CSMD3: variants seen among roughly 807,000 people sequenced by gnomAD.
CSMD3 encodes CUB and Sushi multiple domains 3.
CSMD3 carries 177 observed loss-of-function variants against 435.2 expected under a neutral mutation model. That is an observed-to-expected ratio of 0.41 (90% CI 0.36 to 0.46). The LOEUF (loss-of-function observed/expected upper bound fraction) is 0.46. Ranked by LOEUF, CSMD3 falls within the 20% of genes least tolerant of loss-of-function variation. The pLI is 0.34. For synonymous variants in CSMD3, 1,656 were observed against 1,520.5 expected, an observed-to-expected ratio of 1.09 and a Z score of -2.07; for missense variants, 4,265 against 4,504.6, an observed-to-expected ratio of 0.95 and a Z score of 1.52.
At chr8:112,601,677 A>C (rs771272253) in intron 22 of CSMD3, among the ~76,000 whole-genome samples, 4 of 152,288 alleles carry the variant, frequency 2.6e-5, no homozygotes, top group Middle Eastern at 3.4e-3. Flanking sequence ...TGAGAAAAGA[A>C]AAGACAGATT....
At chr8:113,167,621 G>C (rs866169073) in intron 4 of CSMD3, among the ~76,000 whole-genome samples, 2 of 152,294 alleles carry the variant, frequency 1.3e-5, no homozygotes, top group Middle Eastern at 6.8e-3. Flanking sequence ...ACTGTTGATT[G>C]AATAGCCTGT....
At chr8:113,143,877 T>C (rs1284604081) in intron 4 of CSMD3, among the ~76,000 whole-genome samples, 2 of 151,300 alleles carry the variant, frequency 1.3e-5, no homozygotes, top group Admixed American at 1.3e-4. Context: ...ATCTTGATTA[T>C]GTAAATATTA....
At position 112,635,648 on chromosome 8, in the gene CSMD3, T is replaced by G. The variant is rs2074636284; in HGVS notation, c.3715+1169A>C. 2.0e-5 allele frequency among the ~76,000 whole-genome samples: 3 copies of G among 152,090 alleles called. No homozygotes were observed. In the South Asian group the frequency reaches 6.2e-4, roughly 32 times the overall value. On this transcript the variant is annotated intron_variant, in intron 22 of 70. Transcript: ENST00000297405. ...AAATCTGTGATTTTTAAAGAGAAATTTCATCTGCTAGGTATCTTGAAAACA... is the reference window on the plus strand; with the variant it reads ...AAATCTGTGATTTTTAAAGAGAAATGTCATCTGCTAGGTATCTTGAAAACA...
At chr8:113,086,347 A>C (rs923720814) in intron 5 of CSMD3, among the ~76,000 whole-genome samples, 4 of 152,154 alleles carry the variant, frequency 2.6e-5, no homozygotes, top group Non-Finnish European at 5.9e-5. Context: ...ATAGAGAATA[A>C]ATTCTAACAC....
intron 4 of CSMD3, among the ~76,000 whole-genome samples, chr8:113,124,661 T>C (rs186874230): frequency 6.6e-6 from 1 of 152,050 alleles, no homozygotes; most frequent in East Asian, 1.9e-4. Context: ...AATAAGTGAA[T>C]TGCAAATATA....
At chr8:113,183,733 T>C (rs2092457523) in intron 3 of CSMD3, among the ~76,000 whole-genome samples, 1 of 151,976 alleles carries the variant, frequency 6.6e-6, no homozygotes, top group South Asian at 2.1e-4. Context: ...TGTTTACATT[T>C]TGGGGGTACA....
chr8:112,304,810 T>C lies in CSMD3; in HGVS notation c.8177A>G (p.Asp2726Gly), dbSNP rs1247059907. The change falls in exon 52 of 71, where the codon GAC (aspartate) becomes GGC (glycine). Residue 2726 changes from aspartate to glycine, a missense_variant. This residue lies in a region of CSMD3 where 3,255 missense variants were observed against 3,380.2 expected (regional missense o/e 0.96). Transcript: ENST00000297405. ...EYKTKVVFSC[D>G]PGYHGLGPAS... ...AGGACCTAGTCCATGATAACCAGGG[T>C]CACAGCTGAAAACTACTTTGGTTTT... The C allele has an allele frequency of 1.9e-6, 3 of 1,613,722 alleles. No homozygotes were observed. The African/African-American group carries it at 4.0e-5, about 22-fold the overall frequency.
At chr8:113,086,479 C>A (rs1192297622) in intron 5 of CSMD3, among the ~76,000 whole-genome samples, 1 of 152,162 alleles carries the variant, frequency 6.6e-6, no homozygotes, top group East Asian at 1.9e-4. Flanking sequence ...AACAATTCTT[C>A]ATAAACAATA....
At chr8:112,623,840 T>TA (rs1834271637) in intron 22 of CSMD3, among the ~76,000 whole-genome samples, 2 of 152,088 alleles carry the variant, frequency 1.3e-5, no homozygotes, top group Admixed American at 6.6e-5. Context: ...CACCATCACC[T>TA]AGCACAGCAT....
At chr8:112,835,007 TTGA>T (rs1422785249) in intron 11 of CSMD3, among the ~76,000 whole-genome samples, 2 of 151,914 alleles carry the variant, frequency 1.3e-5, no homozygotes, top group Non-Finnish European at 2.9e-5. Flanking sequence ...AGTCACTCTC[TTGA>T]TTTCCATTGT....
intron 13 of CSMD3, among the ~76,000 whole-genome samples, chr8:112,777,043 C>A (rs1372730369): frequency 1.3e-5 from 2 of 151,624 alleles, no homozygotes; most frequent in African/African-American, 4.8e-5. Flanking sequence ...TCTTCATTTT[C>A]TTCTTTTAAG....
intron 63 of CSMD3, among the ~76,000 whole-genome samples, chr8:112,253,432 T>A (rs2130245120): frequency 6.6e-6 from 1 of 152,118 alleles, no homozygotes; most frequent in Middle Eastern, 3.4e-3. Flanking sequence ...AAATGGAAAC[T>A]ATTTTTAATA....
chr8:112,899,612 T>C (rs1202582329), intron 10 of CSMD3, among the ~76,000 whole-genome samples: 2 of 107,052 alleles, frequency 1.9e-5, no homozygotes, highest in East Asian at 2.5e-4. Context: ...TATATATATA[T>C]ATATATATAT....
chr8:113,376,714 G>A (rs967549852), intron 1 of CSMD3: 9 of 1,613,636 alleles, frequency 5.6e-6, no homozygotes, highest in Non-Finnish European at 7.6e-6. Flanking sequence ...TCGGCGCAAG[G>A]AGCCTAAGAG....
intron 40 of CSMD3, among the ~76,000 whole-genome samples, chr8:112,346,599 C>G (rs192128546): frequency 2.0e-5 from 3 of 149,850 alleles, no homozygotes; most frequent in Admixed American, 1.3e-4. Context: ...AGAGTAAAAT[C>G]AAGCCAACCA....
chr8:113,249,333 ACAGCTTAGCT>A (rs1277088672), intron 3 of CSMD3, among the ~76,000 whole-genome samples: 2 of 152,090 alleles, frequency 1.3e-5, no homozygotes, highest in Non-Finnish European at 2.9e-5. Flanking sequence ...AAAATCTTGG[ACAGCTTAGCT>A]TAAGAACAGT....
intron 68 of CSMD3, among the ~76,000 whole-genome samples, chr8:112,233,061 G>C (rs1813246753): frequency 1.3e-5 from 2 of 152,090 alleles, no homozygotes; most frequent in Admixed American, 6.6e-5. Context: ...CCTTACATTT[G>C]TATACAATAT....
intron 32 of CSMD3, among the ~76,000 whole-genome samples, chr8:112,465,904 G>T (rs1380123258): frequency 6.6e-6 from 1 of 151,630 alleles, no homozygotes; most frequent in East Asian, 1.9e-4. Context: ...GAACCCAGGA[G>T]GCGAAGGTTG....
At chr8:112,815,271 A>C (rs1391760176) in intron 12 of CSMD3, among the ~76,000 whole-genome samples, 2 of 152,152 alleles carry the variant, frequency 1.3e-5, no homozygotes, top group Non-Finnish European at 2.9e-5. Context: ...TTGTTGTTTT[A>C]ACTTTATTTA....
Sources: allele counts gnomAD v4.1 joint callset (sites outside exome capture counted in the v4.1 genomes callset), GRCh38; gene constraint gnomAD v4.1.1; regional missense constraint gnomAD v4.1.1; transcripts MANE v1.5; gene names NCBI Gene and HGNC (gene_info 2026-07-23, HGNC 2026-07-21).